Variants in WNT5A observed in about 807,000 individuals in gnomAD.
WNT5A encodes the protein protein Wnt-5a.
In WNT5A, 9 loss-of-function variants were observed where a neutral mutation model predicts 42.1. The observed-to-expected ratio is 0.21, with a 90% CI of 0.13 to 0.37. The LOEUF (loss-of-function observed/expected upper bound fraction) is 0.37. WNT5A is among the 10% of genes least tolerant of loss of function. WNT5A has a pLI of 1.00. For missense variants in WNT5A, 426 were observed against 534.0 expected (o/e 0.80, Z 1.99); for synonymous variants, 210 against 210.0 (o/e 1.00, Z 0.00).
intron 4 of WNT5A, among the ~76,000 whole-genome samples, chr3:55,472,277 C>T (rs1208950979): frequency 6.6e-6 from 1 of 152,166 alleles, no homozygotes; most frequent in African/African-American, 2.4e-5. Flanking sequence ...CTTGGAAATC[C>T]CTTGACCCGC....
chr3:55,493,609 C>A (rs953703684), upstream of WNT5A, among the ~76,000 whole-genome samples: 8 of 152,226 alleles, frequency 5.3e-5, no homozygotes, highest in African/African-American at 1.9e-4. Context: ...ACACAAACCC[C>A]TACTGACTCA....
At chr3:55,504,551 C>T in the WNT5A span, among the ~76,000 whole-genome samples, 2 of 151,848 alleles carry the variant, frequency 1.3e-5, no homozygotes, top group African/African-American at 2.4e-5. Flanking sequence ...GCAACCTCTG[C>T]CCTCCCGGGT....
chr3:55,488,765 C>G (rs944696866), upstream of WNT5A, among the ~76,000 whole-genome samples: 1 of 152,210 alleles, frequency 6.6e-6, no homozygotes, highest in South Asian at 2.1e-4. Flanking sequence ...TGAACCCCAA[C>G]TTCCCCGCCT....
rs542505974 is a variant in WNT5A, at chr3:55,484,170, C to T, written c.6+2810G>A. Among the ~76,000 whole-genome samples, 4 of 152,178 alleles carry T rather than the reference C, an allele frequency of 2.6e-5. 1 individual carries two copies. The highest frequency in any genetic ancestry group is 4.2e-4 in the South Asian group (2 of 4,818). ...CAGCGAAGGGGAGGATGGGAAACTC[C>T]AAAAAGAATCTCCACTCTTGGTGGA... is the stretch of plus-strand genomic sequence containing the variant. On this transcript the variant is annotated intron_variant, in intron 1 of 4. Coordinates refer to ENST00000264634, the MANE Select transcript of WNT5A (RefSeq NM_003392.7).
chr3:55,482,352 G>A lies in WNT5A; in HGVS notation c.7-1434C>T, dbSNP rs114693668. On this transcript the variant is annotated intron_variant, in intron 1 of 4. Coordinates refer to ENST00000264634, the MANE Select transcript of WNT5A (RefSeq NM_003392.7). ...GGTGGCGGGTGCGGGTGGGAGGAGC[G>A]GGTTTTAAAAATCCCCTTACACGTA... Among the ~76,000 whole-genome samples the A allele has an allele frequency of 2.4e-3, 367 of 152,314 alleles. 1 individual carries two copies. Among genetic ancestry groups the A allele is most frequent in the African/African-American group, 8.0e-3 (331 of 41,576 alleles).
intron 1 of WNT5A, 140 bp from the exon 2 acceptor site, chr3:55,481,058 G>T (rs1029325692): frequency 2.1e-5 from 20 of 944,184 alleles, no homozygotes; most frequent in Admixed American, 8.0e-5. Context: ...TTTTTTGATG[G>T]CAAGATATAG....
In WNT5A at chr3:55,481,028, C is replaced by T. The variant is rs554283967; in HGVS notation, c.7-110G>A. ...GTCTCTTAAGTTTACTGTTGATTGACTGCGCTTCTCCTCCGTGAGTTTTTT... is the reference window on the plus strand; with the variant it reads ...GTCTCTTAAGTTTACTGTTGATTGATTGCGCTTCTCCTCCGTGAGTTTTTT... On this transcript the variant is annotated intron_variant, in intron 1 of 4. Transcript: ENST00000264634. The T allele has an allele frequency of 3.4e-5, 40 of 1,169,426 alleles. No homozygotes were observed. The Middle Eastern group carries it at 1.5e-3, about 44-fold the overall frequency. 72.4% of individuals were successfully genotyped at this position (1,169,426 alleles called of 1,614,324 possible). A position where few individuals can be genotyped will look rare whatever the true frequency, so the allele number is the denominator to read the frequency against.
chr3:55,477,545 G>C (rs1429078280), intron 3 of WNT5A, among the ~76,000 whole-genome samples: 1 of 152,174 alleles, frequency 6.6e-6, no homozygotes, highest in Non-Finnish European at 1.5e-5. Context: ...CATCGACCCA[G>C]ACAGTAGTGC....
At chr3:55,486,748 A>G (rs1028981961) in intron 1 of WNT5A, among the ~76,000 whole-genome samples, 1 of 152,172 alleles carries the variant, frequency 6.6e-6, no homozygotes, top group Non-Finnish European at 1.5e-5. Context: ...AAAAATCAAA[A>G]TTGTTTGCAG....
chr3:55,474,301 C>CA (rs749524874), intron 4 of WNT5A, 36 bp downstream of exon 4: 2 of 1,610,974 alleles, frequency 1.2e-6, no homozygotes, highest in East Asian at 2.2e-5. Flanking sequence ...GGTGAGAAGA[C>CA]AGAGATGCGG....
chr3:55,467,280 C>G lies in WNT5A; in HGVS notation c.*2812G>C, dbSNP rs192230260. On this transcript the variant is annotated 3_prime_UTR_variant, in exon 5 of 5. Coordinates refer to ENST00000264634, the MANE Select transcript of WNT5A (RefSeq NM_003392.7). ...TCTCTGGGATGTTACAACAGCAACA[C>G]GCTCTAAAACAATTAAGTTACATGC... is the stretch of plus-strand genomic sequence containing the variant. 2.6e-5 allele frequency: 4 copies of G among 152,412 alleles called. No individual in the cohort carries two copies. The highest frequency in any genetic ancestry group is 6.6e-5 in the Admixed American group (1 of 15,260). The allele number at this position is 152,412 out of a possible 1,614,324, so 9.4% of individuals were successfully genotyped here.
At chr3:55,476,469 G>C (rs560910020) in intron 3 of WNT5A, among the ~76,000 whole-genome samples, 20 of 152,160 alleles carry the variant, frequency 1.3e-4, no homozygotes, top group Admixed American at 1.0e-3. Flanking sequence ...CTGTGGCCCT[G>C]GATGGGGGAT....
At chr3:55,471,347 C>T (rs992762072) in intron 4 of WNT5A, among the ~76,000 whole-genome samples, 1 of 152,112 alleles carries the variant, frequency 6.6e-6, no homozygotes, top group Non-Finnish European at 1.5e-5. Flanking sequence ...CAGTCCCTAC[C>T]CCATCTACTA....
chr3:55,478,668 A>T (rs977897252), intron 3 of WNT5A, among the ~76,000 whole-genome samples: 17 of 152,204 alleles, frequency 1.1e-4, no homozygotes, highest in Non-Finnish European at 2.1e-4. Flanking sequence ...GACTGTGAGC[A>T]ATACTCTTAA....
At chr3:55,504,578 C>T in the WNT5A span, among the ~76,000 whole-genome samples, 1 of 152,020 alleles carries the variant, frequency 6.6e-6, no homozygotes, top group Admixed American at 6.5e-5. Flanking sequence ...GATTCTCCTG[C>T]CTCACCCTCC....
intron 2 of WNT5A, among the ~76,000 whole-genome samples, chr3:55,480,194 G>A (rs971097191): frequency 4.6e-5 from 7 of 152,104 alleles, no homozygotes; most frequent in South Asian, 2.1e-4. Flanking sequence ...CCAGAATGCC[G>A]TCAAAAATAA....
the WNT5A span, among the ~76,000 whole-genome samples, chr3:55,497,007 C>T: frequency 6.6e-6 from 1 of 152,352 alleles, no homozygotes; most frequent in African/African-American, 2.4e-5. Flanking sequence ...GATCATCAAC[C>T]ATTCATTTAA....
chr3:55,497,250 G>A, the WNT5A span: 1 of 152,198 alleles, frequency 6.6e-6, no homozygotes, highest in Non-Finnish European at 1.5e-5. Context: ...TTAGGCCTGT[G>A]GCCTCTTAGC....
the WNT5A span, among the ~76,000 whole-genome samples, chr3:55,504,781 A>G: frequency 6.6e-6 from 1 of 152,202 alleles, no homozygotes; most frequent in South Asian, 2.1e-4. Context: ...AACCTTTCAA[A>G]TAAGATAAAA....
Sources: allele counts gnomAD v4.1 joint callset (sites outside exome capture counted in the v4.1 genomes callset), GRCh38; gene constraint gnomAD v4.1.1; transcripts MANE v1.5; gene names NCBI Gene and HGNC (gene_info 2026-07-23, HGNC 2026-07-21).